FLVCR2: variants seen among roughly 807,000 people sequenced by gnomAD.
FLVCR2 encodes the protein choline/ethanolamine transporter FLVCR2.
In FLVCR2, 38 loss-of-function variants were observed where a neutral mutation model predicts 48.9. The observed-to-expected ratio is 0.78, with a 90% CI of 0.60 to 1.02. The LOEUF (loss-of-function observed/expected upper bound fraction) is 1.02. Among genes scored for constraint, FLVCR2 ranks in the 50% least tolerant of loss-of-function variants. The pLI is 0.00. For missense variants in FLVCR2, 664 were observed against 663.3 expected, an observed-to-expected ratio of 1.00 and a Z score of -0.01; for synonymous variants, 255 against 257.0, an observed-to-expected ratio of 0.99 and a Z score of 0.07.
chr14:75,596,780 G>GCGCCCC (rs1566785016), intron 1 of FLVCR2, among the ~76,000 whole-genome samples: 5 of 78,086 alleles, frequency 6.4e-5, no homozygotes, highest in African/African-American at 1.5e-4. Context: ...CTCCTCTTTT[G>GCGCCCC]CCCCCCCCCC....
At chr14:75,590,170 A>G (rs1888846968) in intron 1 of FLVCR2, among the ~76,000 whole-genome samples, 2 of 152,322 alleles carry the variant, frequency 1.3e-5, no homozygotes, top group South Asian at 4.1e-4. Context: ...TCCTAGCTTT[A>G]TAACAACCCA....
chr14:75,618,361 T>C (rs1014983342), intron 1 of FLVCR2, among the ~76,000 whole-genome samples: 3 of 152,180 alleles, frequency 2.0e-5, no homozygotes, highest in African/African-American at 7.2e-5. Flanking sequence ...ACGTTTGTTA[T>C]GGGACAAGTT....
chr14:75,614,069 C>T lies in FLVCR2; in HGVS notation c.670-8010C>T, dbSNP rs111478402. Among the ~76,000 whole-genome samples the T allele has an allele frequency of 5.4e-3, 822 of 152,298 alleles. 8 individuals are homozygous for T. The highest frequency in any genetic ancestry group is 8.2e-3 in the Non-Finnish European group (558 of 68,022). ...TAATAACTGTATCATGTAAAACATC[C>T]TTTGGCAAGGACAGCATCATACTGA... On this transcript the variant is annotated intron_variant, in intron 1 of 9. Transcript: ENST00000238667.
chr14:75,626,539 C>T (rs1014026130), intron 3 of FLVCR2, among the ~76,000 whole-genome samples: 2 of 151,866 alleles, frequency 1.3e-5, no homozygotes, highest in African/African-American at 4.9e-5. Flanking sequence ...TCCTCCGTTC[C>T]TCATTTCCTC....
Position 75,646,570 on chromosome 14 carries a change from TG to T in FLVCR2, c.*100del. 2.3e-6 allele frequency: 2 copies of T among 855,570 alleles called. No homozygotes were observed. The allele number at this position is 855,570 out of a possible 1,614,324, so 53.0% of individuals were successfully genotyped here. On this transcript the variant is annotated 3_prime_UTR_variant, in exon 10 of 10. Coordinates refer to ENST00000238667, the MANE Select transcript of FLVCR2 (RefSeq NM_017791.3). Reference sequence around the variant, plus strand: ...CAAAGGGCTTCGCTAGAGATGTTTTTGGAGGGAATCAGTGGGACTATTTGTG... The same window carrying T: ...CAAAGGGCTTCGCTAGAGATGTTTTTGAGGGAATCAGTGGGACTATTTGTG...
chr14:75,641,081 T>A, intron 7 of FLVCR2, 21 bp downstream of exon 7: 1 of 1,598,588 alleles, frequency 6.3e-7, no homozygotes, highest in Non-Finnish European at 8.6e-7. Flanking sequence ...TATTTCCTGT[T>A]TGTTTCCTGG....
chr14:75,588,301 A>G (rs1183618812), intron 1 of FLVCR2, among the ~76,000 whole-genome samples: 1 of 152,212 alleles, frequency 6.6e-6, no homozygotes, highest in Non-Finnish European at 1.5e-5. Flanking sequence ...ATGGCATCTC[A>G]TGTTCAAGAA....
chr14:75,578,756 C>T lies in FLVCR2; in HGVS notation c.-217C>T, dbSNP rs993901603. 1 of 605,396 alleles carries T rather than the reference C, an allele frequency of 1.7e-6. No individual in the cohort carries two copies. Among genetic ancestry groups the T allele is most frequent in the Non-Finnish European group, 2.9e-6 (1 of 342,586 alleles). The allele number at this position is 605,396 out of a possible 1,614,324, so 37.5% of individuals were successfully genotyped here. On this transcript the variant is annotated 5_prime_UTR_variant, in exon 1 of 10. Coordinates refer to ENST00000238667, the MANE Select transcript of FLVCR2 (RefSeq NM_017791.3). ...CGGCCGGCCTTGGGACAGCGATCGCCGCGGGTGGCAACAGAGAGCCCCAAG... is the reference window on the plus strand; with the variant it reads ...CGGCCGGCCTTGGGACAGCGATCGCTGCGGGTGGCAACAGAGAGCCCCAAG...
At chr14:75,635,122 C>G in intron 5 of FLVCR2, 109 bp downstream of exon 5, 1 of 764,266 alleles carries the variant, frequency 1.3e-6, no homozygotes, top group Middle Eastern at 2.2e-4. Context: ...AGTGGCCAAG[C>G]AGGTCATTCA....
intron 1 of FLVCR2, among the ~76,000 whole-genome samples, chr14:75,606,857 T>C (rs1889303772): frequency 6.6e-6 from 1 of 151,430 alleles, no homozygotes; most frequent in Non-Finnish European, 1.5e-5. Flanking sequence ...GGTTGGGGGA[T>C]CACCTGAGCC....
intron 1 of FLVCR2, among the ~76,000 whole-genome samples, chr14:75,591,619 G>GT (rs1888879925): frequency 6.6e-6 from 1 of 152,144 alleles, no homozygotes; most frequent in South Asian, 2.1e-4. Context: ...GCATTTTGGG[G>GT]TCCTTGCGGT....
chr14:75,592,261 T>A (rs184895374), intron 1 of FLVCR2, among the ~76,000 whole-genome samples: 1 of 151,904 alleles, frequency 6.6e-6, no homozygotes, highest in Admixed American at 6.5e-5. Context: ...CAGCTTGCAC[T>A]CTCCAGAGCA....
Position 75,586,858 on chromosome 14 carries a change from C to T in FLVCR2, c.669+7217C>T, listed in dbSNP as rs572003473. 2.0e-5 allele frequency among the ~76,000 whole-genome samples: 3 copies of T among 151,998 alleles called. No homozygotes were observed. In the South Asian group the frequency reaches 6.2e-4, roughly 32 times the overall value. On this transcript the variant is annotated intron_variant, in intron 1 of 9. Coordinates refer to ENST00000238667, the MANE Select transcript of FLVCR2 (RefSeq NM_017791.3). ...CTAGGGCTGCAAAGATAATCTTTGC[C>T]TTCGAAGACATACTATACCAGGTTT...
intron 1 of FLVCR2, chr14:75,595,789 C>T (rs963378567): frequency 7.9e-6 from 6 of 763,332 alleles, no homozygotes; most frequent in East Asian, 2.4e-5. Flanking sequence ...CCACAGATTA[C>T]ACCATTGCAG....
rs749001042 is a variant in FLVCR2 at position 75,635,033 on chromosome 14, G to A, written c.1124+20G>A. On this transcript the variant is annotated intron_variant, in intron 5 of 9. Transcript: ENST00000238667. Reference sequence around the variant, plus strand: ...CTACAAGTAAGTGACTCATCCTCTTGGACTGAGAATTGGGGACCTGTTTTT... The same window carrying A: ...CTACAAGTAAGTGACTCATCCTCTTAGACTGAGAATTGGGGACCTGTTTTT... 3 of 1,495,794 alleles carry A rather than the reference G, an allele frequency of 2.0e-6. No homozygotes were observed. The South Asian group carries it at 3.4e-5, about 17-fold the overall frequency. 92.7% of individuals were successfully genotyped at this position (1,495,794 alleles called of 1,614,324 possible).
At chr14:75,639,505 A>G (rs1890255854) in intron 6 of FLVCR2, 43 bp downstream of exon 6, 2 of 1,358,774 alleles carry the variant, frequency 1.5e-6, no homozygotes, top group South Asian at 2.3e-5. Context: ...ATACCATGCC[A>G]TGGCTCCCAG....
intron 1 of FLVCR2, among the ~76,000 whole-genome samples, chr14:75,592,789 G>T (rs1888917737): frequency 6.6e-6 from 1 of 151,586 alleles, no homozygotes; most frequent in Non-Finnish European, 1.5e-5. Flanking sequence ...AGGAGTTCGA[G>T]ACTAGCCTGG....
chr14:75,599,907 G>A (rs1484775814), intron 1 of FLVCR2, among the ~76,000 whole-genome samples: 1 of 151,864 alleles, frequency 6.6e-6, no homozygotes, highest in Non-Finnish European at 1.5e-5. Context: ...ATAACCATAT[G>A]AAATTAGACC....
intron 6 of FLVCR2, among the ~76,000 whole-genome samples, chr14:75,640,258 C>CAA (rs11453901): frequency 0.017 from 1,651 of 97,172 alleles, 54 homozygotes; most frequent in African/African-American, 0.061. Context: ...GACTCCGTCT[C>CAA]AAAAAAAAAA....
Sources: allele counts gnomAD v4.1 joint callset (sites outside exome capture counted in the v4.1 genomes callset), GRCh38; gene constraint gnomAD v4.1.1; transcripts MANE v1.5; gene names NCBI Gene and HGNC (gene_info 2026-07-23, HGNC 2026-07-21).